CEACAM5: variants seen among roughly 807,000 people sequenced by gnomAD.
CEACAM5 encodes the protein cell adhesion molecule CEACAM5.
CEACAM5 carries 52 observed loss-of-function variants against 63.0 expected under a neutral mutation model. That is an observed-to-expected ratio of 0.83 (90% confidence interval 0.66 to 1.04). CEACAM5 has a LOEUF of 1.04. Ranked by LOEUF, CEACAM5 falls within the 50% of genes least tolerant of loss-of-function variation. The pLI, the probability that CEACAM5 is intolerant of heterozygous loss-of-function variation, is 0.00. For synonymous variants in CEACAM5, 357 were observed against 351.3 expected (o/e 1.02, Z -0.18); for missense variants, 790 against 864.8 (o/e 0.91, Z 1.08).
intron 2 of CEACAM5, 126 bp from the exon 3 acceptor site, chr19:41,714,845 C>T: frequency 1.1e-5 from 16 of 1,519,612 alleles, no homozygotes; most frequent in Non-Finnish European, 1.4e-5. Flanking sequence ...GTGACACATG[C>T]ACCCACCGTG....
Position 41,718,004 on chromosome 19 carries a change from G to C in CEACAM5, c.1238-124G>C. The C allele has an allele frequency of 3.4e-6, 4 of 1,178,284 alleles. No homozygotes were observed. In the South Asian group the frequency reaches 4.3e-5, roughly 13 times the overall value. 73.0% of individuals were successfully genotyped at this position (1,178,284 alleles called of 1,614,324 possible). A position where few individuals can be genotyped will look rare whatever the true frequency, so the allele number is the denominator to read the frequency against. Reference sequence around the variant, plus strand: ...AGACTCTGGCTAATTGGATACAGTAGGGGTTTGGTTAGGACTTCAGGATTG... The same window carrying C: ...AGACTCTGGCTAATTGGATACAGTACGGGTTTGGTTAGGACTTCAGGATTG... On this transcript the variant is annotated intron_variant, in intron 5 of 9. Transcript: ENST00000221992.
rs1555813329 is a variant in CEACAM5 at position 41,708,738 on chromosome 19, T to A, written c.7T>A (p.Ser3Thr). 1.2e-6 allele frequency: 2 copies of A among 1,610,330 alleles called. No homozygotes were observed. The highest frequency in any genetic ancestry group is 2.2e-5 in the South Asian group (2 of 90,592). Reference protein sequence around the residue: MESPSAPPHRWCI... With the variant: METPSAPPHRWCI... Reference sequence around the variant, plus strand: ...AGAGCAGACAGCAGAGACCATGGAGTCTCCCTCGGCCCCTCCCCACAGATG... The same window carrying A: ...AGAGCAGACAGCAGAGACCATGGAGACTCCCTCGGCCCCTCCCCACAGATG... Residue 3 changes from serine (S) to threonine (T), a missense_variant, in exon 1 of 10, where the codon TCT becomes ACT. Physicochemically the swap from Ser to Thr is moderately conservative, Grantham distance 58. Transcript: ENST00000221992.
intron 7 of CEACAM5, 133 bp from the exon 8 acceptor site, chr19:41,720,789 C>T (rs939507498): frequency 1.7e-5 from 21 of 1,202,628 alleles, no homozygotes; most frequent in Admixed American, 1.7e-4. Context: ...CGTGAGCCAC[C>T]GCACCCGGCC....
intron 9 of CEACAM5, 94 bp downstream of exon 9, chr19:41,727,446 C>T: frequency 1.4e-6 from 1 of 711,196 alleles, no homozygotes; most frequent in Non-Finnish European, 2.5e-6. Context: ...GTATCTGGGA[C>T]TGGATCTCTT....
chr19:41,721,273 G>C (rs2122822428), intron 8 of CEACAM5, 97 bp downstream of exon 8: 2 of 1,394,914 alleles, frequency 1.4e-6, no homozygotes, highest in Non-Finnish European at 2.0e-6. Flanking sequence ...CCCAGTCTGT[G>C]TTCCATGGGC....
chr19:41,727,522 A>T (rs2072716994), intron 9 of CEACAM5, among the ~76,000 whole-genome samples, 170 bp downstream of exon 9: 1 of 152,088 alleles, frequency 6.6e-6, no homozygotes, highest in Admixed American at 6.5e-5. Context: ...CCTGGTCTTC[A>T]TGCTCCCTGT....
At chr19:41,714,108 G>C (rs10153472) in intron 2 of CEACAM5, among the ~76,000 whole-genome samples, 12 of 152,106 alleles carry the variant, frequency 7.9e-5, no homozygotes, top group African/African-American at 2.9e-4. Flanking sequence ...CCAGCTACTC[G>C]GGAGGCTGAG....
chr19:41,717,274 C>G (rs2072541744), intron 4 of CEACAM5, among the ~76,000 whole-genome samples, 181 bp from the exon 5 acceptor site: 1 of 152,258 alleles, frequency 6.6e-6, no homozygotes, highest in South Asian at 2.1e-4. Context: ...AAACAGCCAG[C>G]CTCATGGTCT....
intron 4 of CEACAM5, among the ~76,000 whole-genome samples, chr19:41,716,360 C>T (rs1311418234): frequency 6.6e-6 from 1 of 152,244 alleles, no homozygotes; most frequent in Non-Finnish European, 1.5e-5. Flanking sequence ...GGAGACACAG[C>T]TCAGACTGCT....
downstream of CEACAM5, among the ~76,000 whole-genome samples, chr19:41,730,506 A>G (rs1175115831): frequency 6.6e-6 from 1 of 152,096 alleles, no homozygotes; most frequent in African/African-American, 2.4e-5. Context: ...AAATAAACTT[A>G]TTTTGAAAAC....
In CEACAM5 at chr19:41,717,712, C is replaced by T; in HGVS notation, c.1216C>T (p.Pro406Ser). ...CGAATTAAGTGTTGACCACAGCGAC[C>T]CAGTCATCCTGAATGTCCTCTGTGA... ...QNELSVDHSD[P>S]VILNVLYGPD... The change falls in exon 5 of 10, where the codon CCA becomes TCA. Residue 406 changes from proline to serine, a missense_variant. Pro to Ser is a moderately conservative substitution (Grantham distance 74). Transcript: ENST00000221992. 1.9e-6 allele frequency: 3 copies of T among 1,614,098 alleles called. No homozygotes were observed. Among genetic ancestry groups the T allele is most frequent in the Non-Finnish European group, 2.5e-6 (3 of 1,179,976 alleles).
chr19:41,724,827 A>G (rs906911557), intron 8 of CEACAM5, among the ~76,000 whole-genome samples: 5 of 152,354 alleles, frequency 3.3e-5, no homozygotes, highest in African/African-American at 1.2e-4. Flanking sequence ...GTATCCTGCA[A>G]CATCACTGAA....
At chr19:41,715,364 C>A in intron 3 of CEACAM5, 115 bp downstream of exon 3, 1 of 1,463,112 alleles carries the variant, frequency 6.8e-7, no homozygotes, top group Non-Finnish European at 9.6e-7. Flanking sequence ...CCCTGGACAT[C>A]CAGACTGTCT....
At chr19:41,722,789 G>A (rs1270522062) in intron 8 of CEACAM5, among the ~76,000 whole-genome samples, 1 of 152,188 alleles carries the variant, frequency 6.6e-6, no homozygotes, top group East Asian at 1.9e-4. Flanking sequence ...GAGTAATGCT[G>A]CTGTGAACAT....
intron 4 of CEACAM5, 143 bp downstream of exon 4, chr19:41,716,047 C>G (rs1817088961): frequency 7.7e-6 from 7 of 909,330 alleles, no homozygotes; most frequent in Non-Finnish European, 1.2e-5. Flanking sequence ...TGAACCTCCC[C>G]AATATGTCTC....
At chr19:41,727,463 A>G in intron 9 of CEACAM5, 111 bp downstream of exon 9, 1 of 674,386 alleles carries the variant, frequency 1.5e-6, no homozygotes, top group South Asian at 1.8e-5. Context: ...TCTTCCTCCT[A>G]CCCCCAAGCT....
chr19:41,720,819 A>C (rs1555816043), intron 7 of CEACAM5, 103 bp from the exon 8 acceptor site: 2 of 1,452,626 alleles, frequency 1.4e-6, no homozygotes, highest in African/African-American at 1.4e-5. Flanking sequence ...TTTTTAACAC[A>C]GGATTGGGAC....
At position 41,709,984 on chromosome 19, in the gene CEACAM5, C is replaced by A. The variant is rs143742915; in HGVS notation, c.369C>A (p.His123Gln). Residue 123 changes from histidine (H) to glutamine (Q), a missense_variant, in exon 2 of 10, where the codon CAC becomes CAA. By Grantham distance (24) the His-to-Gln change is conservative. Transcript: ENST00000221992. ...ATGACACAGGATTCTACACCCTACACGTCATAAAGTCAGATCTTGTGAATG... is the reference window on the plus strand; with the variant it reads ...ATGACACAGGATTCTACACCCTACAAGTCATAAAGTCAGATCTTGTGAATG... ...IQNDTGFYTL[H>Q]VIKSDLVNEE... The A allele has an allele frequency of 5.2e-4, 838 of 1,612,928 alleles. 7 individuals are homozygous for A. The Middle Eastern group carries it at 6.8e-3, about 13-fold the overall frequency.
rs782242021 is a variant in CEACAM5 at position 41,715,766 on chromosome 19, A to T, written c.820A>T (p.Asn274Tyr). The change falls in exon 4 of 10, where the codon AAT (asparagine) becomes TAT (tyrosine). Residue 274 changes from asparagine (N) to tyrosine (Y), a missense_variant. Transcript: ENST00000221992. ...NPPAQYSWFV[N>Y]GTFQQSTQEL... ...ACCTGCACAGTACTCTTGGTTTGTC[A>T]ATGGGACTTTCCAGCAATCCACCCA... 1 of 1,614,180 alleles carries T rather than the reference A, an allele frequency of 6.2e-7. No individual in the cohort carries two copies. Among genetic ancestry groups the T allele is most frequent in the South Asian group, 1.1e-5 (1 of 91,072 alleles).
Sources: gnomAD v4.1 joint callset for allele counts (sites outside exome capture counted in the v4.1 genomes callset) on GRCh38, gnomAD v4.1.1 for gene constraint, MANE v1.5 for transcripts, NCBI Gene and HGNC (gene_info 2026-07-23, HGNC 2026-07-21) for gene names.